Variants in OSBPL6 observed in about 807,000 individuals in gnomAD.
The protein encoded by OSBPL6 is oxysterol-binding protein-related protein 6.
Under a neutral mutation model 125.8 loss-of-function variants are expected in OSBPL6, and 49 were observed. That is an observed-to-expected ratio of 0.39 (90% CI 0.31 to 0.49). OSBPL6 has a LOEUF of 0.49. Ranked by LOEUF, OSBPL6 falls within the 20% of genes least tolerant of loss-of-function variation. The pLI is 0.88. For missense variants in OSBPL6, 986 were observed against 1,135.4 expected (o/e 0.87, Z 1.89); for synonymous variants, 394 against 391.8 (o/e 1.01, Z -0.07).
chr2:178,301,746 A>G (rs1327702657), intron 2 of OSBPL6, among the ~76,000 whole-genome samples: 2 of 152,092 alleles, frequency 1.3e-5, no homozygotes, highest in Non-Finnish European at 2.9e-5. Flanking sequence ...TGTACCACCT[A>G]CAAGCAAAAG....
At chr2:178,223,053 G>A (rs900607603) in intron 1 of OSBPL6, among the ~76,000 whole-genome samples, 2 of 152,010 alleles carry the variant, frequency 1.3e-5, no homozygotes, top group African/African-American at 4.8e-5. Context: ...TTTTGTTGTT[G>A]CCATAAGCAA....
intron 1 of OSBPL6, among the ~76,000 whole-genome samples, chr2:178,204,299 C>T (rs2089421943): frequency 6.6e-6 from 1 of 152,212 alleles, no homozygotes; most frequent in Non-Finnish European, 1.5e-5. Context: ...GCTGGGATTA[C>T]AGGTGTGAGC....
intron 5 of OSBPL6, 81 bp from the exon 6 acceptor site, chr2:178,331,471 A>G: frequency 7.0e-7 from 1 of 1,419,860 alleles, no homozygotes; most frequent in East Asian, 2.3e-5. Context: ...AATAAATGCC[A>G]AGCAACATTA....
At chr2:178,277,266 C>T (rs2092488593) in intron 1 of OSBPL6, among the ~76,000 whole-genome samples, 2 of 152,176 alleles carry the variant, frequency 1.3e-5, no homozygotes, top group Admixed American at 6.5e-5. Context: ...TTGGATTTCA[C>T]ACAGATGTTG....
At chr2:178,223,087 A>G (rs2090411529) in intron 1 of OSBPL6, among the ~76,000 whole-genome samples, 1 of 152,178 alleles carries the variant, frequency 6.6e-6, no homozygotes, top group Non-Finnish European at 1.5e-5. Context: ...ATCTTTGTAC[A>G]CAGGAGTATG....
chr2:178,360,320 A>G (rs1692229634), intron 12 of OSBPL6, among the ~76,000 whole-genome samples: 1 of 152,148 alleles, frequency 6.6e-6, no homozygotes, highest in Admixed American at 6.5e-5. Flanking sequence ...AGTGTGTTAT[A>G]TTCAGGACTT....
intron 1 of OSBPL6, among the ~76,000 whole-genome samples, chr2:178,215,851 T>A (rs561358841): frequency 6.6e-6 from 1 of 152,310 alleles, no homozygotes; most frequent in East Asian, 1.9e-4. Context: ...TGTTTAGTTC[T>A]GGGGCAGGTG....
intron 1 of OSBPL6, among the ~76,000 whole-genome samples, chr2:178,206,626 T>A (rs2089545511): frequency 6.6e-6 from 1 of 152,168 alleles, no homozygotes; most frequent in Non-Finnish European, 1.5e-5. Flanking sequence ...TGTTTTGTTT[T>A]TGTTTTGAGA....
intron 19 of OSBPL6, among the ~76,000 whole-genome samples, chr2:178,385,895 C>T (rs748726056): frequency 1.3e-5 from 2 of 152,158 alleles, no homozygotes; most frequent in African/African-American, 2.4e-5. Flanking sequence ...AAGGAAGGCT[C>T]TATGACACAT....
intron 12 of OSBPL6, among the ~76,000 whole-genome samples, chr2:178,351,565 G>GT (rs1255477776): frequency 6.6e-6 from 1 of 152,098 alleles, no homozygotes; most frequent in Non-Finnish European, 1.5e-5. Flanking sequence ...AAAAAAATTG[G>GT]TGAAAGAAAT....
chr2:178,399,420 T>C lies in OSBPL6; in HGVS notation c.*3861T>C, dbSNP rs1696034060. The C allele has an allele frequency of 6.6e-6, 1 of 152,252 alleles. No homozygotes were observed. The highest frequency in any genetic ancestry group is 2.1e-4 in the South Asian group (1 of 4,834). The allele number at this position is 152,252 out of a possible 1,614,324, so 9.4% of individuals were successfully genotyped here. On this transcript the variant is annotated 3_prime_UTR_variant, in exon 25 of 25. Transcript: ENST00000190611. ...TTAAACTAAACCTTTGTTTAATACA[T>C]AATTGTAAGAGCATATATTTGTTAT...
chr2:178,274,238 A>T (rs559416814), intron 1 of OSBPL6, among the ~76,000 whole-genome samples: 2 of 152,162 alleles, frequency 1.3e-5, no homozygotes, highest in Non-Finnish European at 2.9e-5. Context: ...GAAGAGGGCC[A>T]TCTTTGTTAG....
chr2:178,231,029 C>G (rs1423327312), intron 1 of OSBPL6, among the ~76,000 whole-genome samples: 4 of 152,064 alleles, frequency 2.6e-5, no homozygotes, highest in African/African-American at 9.7e-5. Context: ...GACAGGGACA[C>G]ACACACAGAG....
intron 1 of OSBPL6, among the ~76,000 whole-genome samples, chr2:178,257,280 G>A: frequency 6.6e-6 from 1 of 152,088 alleles, no homozygotes; most frequent in East Asian, 1.9e-4. Context: ...TATGCTTTTA[G>A]GCATCTTCTC....
intron 1 of OSBPL6, among the ~76,000 whole-genome samples, chr2:178,260,471 T>G (rs1247957210): frequency 3.9e-5 from 6 of 152,160 alleles, no homozygotes; most frequent in Admixed American, 3.3e-4. Context: ...GTGGTCCTAG[T>G]AGACAAGGTG....
intron 1 of OSBPL6, among the ~76,000 whole-genome samples, chr2:178,195,215 C>G (rs970397631): frequency 2.6e-5 from 4 of 152,088 alleles, no homozygotes; most frequent in African/African-American, 9.7e-5. Context: ...TTTTATTGTG[C>G]GCGTGCACTG....
intron 3 of OSBPL6, among the ~76,000 whole-genome samples, chr2:178,318,835 T>C (rs986825885): frequency 1.3e-5 from 2 of 152,166 alleles, no homozygotes; most frequent in Non-Finnish European, 2.9e-5. Context: ...TTGAAAGTCA[T>C]CTTTCTGTGG....
In OSBPL6 at chr2:178,275,150, A is replaced by C. The variant is rs372248549; in HGVS notation, c.-350-9777A>C. Among the ~76,000 whole-genome samples the C allele has an allele frequency of 3.3e-5, 5 of 152,350 alleles. No homozygotes were observed. The East Asian group carries it at 7.7e-4, about 23-fold the overall frequency. ...AATGGAAAAATAACTATTTTCTAGC[A>C]TGAAGTAAGGATATAGAGTGATGTC... On this transcript the variant is annotated intron_variant, in intron 1 of 24. Coordinates refer to ENST00000190611, the MANE Select transcript of OSBPL6 (RefSeq NM_032523.4).
chr2:178,352,195 AT>A (rs1691323347), intron 12 of OSBPL6, among the ~76,000 whole-genome samples: 1 of 152,218 alleles, frequency 6.6e-6, no homozygotes, highest in African/African-American at 2.4e-5. Context: ...TGATTTCTGC[AT>A]TTCCAACTGA....
Sources: gnomAD v4.1 joint callset for allele counts (sites outside exome capture counted in the v4.1 genomes callset) on GRCh38, gnomAD v4.1.1 for gene constraint, MANE v1.5 for transcripts, NCBI Gene and HGNC (gene_info 2026-07-23, HGNC 2026-07-21) for gene names.